Variants in SUPT20H observed in about 807,000 individuals in gnomAD.
SUPT20H encodes the protein transcription factor SPT20 homolog.
SUPT20H carries 82 observed loss-of-function variants against 122.8 expected under a neutral mutation model. The observed-to-expected ratio is 0.67, with a 90% CI of 0.56 to 0.80. SUPT20H has a LOEUF of 0.80. SUPT20H is among the 30% of genes least tolerant of loss of function. The pLI is 0.00. For missense variants in SUPT20H, 831 were observed against 921.6 expected (o/e 0.90, Z 1.27); for synonymous variants, 291 against 313.0 (o/e 0.93, Z 0.74).
At chr13:37,010,694 G>A (rs1206674677) in intron 24 of SUPT20H, 39 bp from the exon 25 acceptor site, 1 of 1,522,444 alleles carries the variant, frequency 6.6e-7, no homozygotes, top group East Asian at 2.3e-5. Flanking sequence ...CAGTCAAAAA[G>A]TTTGAAGGCT....
Position 37,032,027 on chromosome 13 carries a change from C to T in SUPT20H, c.708-132G>A, listed in dbSNP as rs1027035781. 3.2e-5 allele frequency: 21 copies of T among 659,806 alleles called. No homozygotes were observed. The African/African-American group carries it at 3.6e-4, about 11-fold the overall frequency. The allele number at this position is 659,806 out of a possible 1,614,324, so 40.9% of individuals were successfully genotyped here. A position where few individuals can be genotyped will look rare whatever the true frequency, so the allele number is the denominator to read the frequency against. On this transcript the variant is annotated intron_variant, in intron 10 of 25. Transcript: ENST00000350612. ...ACACTGCCACATGCCAAGCACAGTC[C>T]TAGGAACTAGGACTAGGTGAAATAA... is the stretch of plus-strand genomic sequence containing the variant.
At chr13:37,054,387 G>A (rs1441281114) in intron 1 of SUPT20H, among the ~76,000 whole-genome samples, 6 of 152,228 alleles carry the variant, frequency 3.9e-5, no homozygotes, top group Middle Eastern at 6.8e-3. Context: ...ATGGCAAATC[G>A]AATCCAGCAG....
chr13:37,031,861 G>A lies in SUPT20H; in HGVS notation c.742C>T (p.Arg248Trp), dbSNP rs749672581. 3.1e-6 allele frequency: 5 copies of A among 1,601,958 alleles called. No individual in the cohort carries two copies. The highest frequency in any genetic ancestry group is 1.1e-5 in the South Asian group (1 of 88,058). The change falls in exon 11 of 26, where the codon CGG becomes TGG. Residue 248 changes from arginine to tryptophan, a missense_variant. Coordinates refer to ENST00000350612, the MANE Select transcript of SUPT20H (RefSeq NM_001014286.3). Reference protein sequence around the residue: ...FKRYSRSSLNRQQDLSHCPPP... With the variant: ...FKRYSRSSLNWQQDLSHCPPP... Reference sequence around the variant, plus strand: ...GGACAATGAGATAGATCTTGCTGCCGATTCAGAGAGGATCTGGAATACCTC... The same window carrying A: ...GGACAATGAGATAGATCTTGCTGCCAATTCAGAGAGGATCTGGAATACCTC...
At chr13:37,055,942 C>T (rs554309921) in intron 1 of SUPT20H, among the ~76,000 whole-genome samples, 1 of 152,260 alleles carries the variant, frequency 6.6e-6, no homozygotes, top group South Asian at 2.1e-4. Context: ...ACAACCCCAT[C>T]AATCAGTGGG....
At chr13:37,049,255 A>G (rs2067134352) in intron 2 of SUPT20H, among the ~76,000 whole-genome samples, 1 of 152,184 alleles carries the variant, frequency 6.6e-6, no homozygotes, top group South Asian at 2.1e-4. Flanking sequence ...TTAAAATATA[A>G]AAGAAAATGA....
At chr13:37,010,272 AC>A (rs2059367557) in intron 25 of SUPT20H, among the ~76,000 whole-genome samples, 1 of 152,232 alleles carries the variant, frequency 6.6e-6, no homozygotes, top group Non-Finnish European at 1.5e-5. Context: ...ATTGGCACTT[AC>A]AACTGTCTTT....
intron 9 of SUPT20H, chr13:37,038,276 A>C (rs1026923425): frequency 6.6e-5 from 10 of 152,204 alleles, no homozygotes; most frequent in African/African-American, 2.4e-4. Flanking sequence ...ATTTTTTAAA[A>C]GTCTATCATT....
chr13:37,057,739 C>G (rs2069462172), intron 1 of SUPT20H, among the ~76,000 whole-genome samples: 1 of 151,938 alleles, frequency 6.6e-6, no homozygotes, highest in African/African-American at 2.4e-5. Flanking sequence ...TTTGGGAGGC[C>G]AAGGCAGGTG....
Position 37,022,419 on chromosome 13 carries a change from G to T in SUPT20H, c.1592-339C>A. 1.0e-5 allele frequency: 12 copies of T among 1,156,668 alleles called. No homozygotes were observed. The South Asian group carries it at 1.4e-4, about 13-fold the overall frequency. The allele number at this position is 1,156,668 out of a possible 1,614,324, so 71.7% of individuals were successfully genotyped here. A position where few individuals can be genotyped will look rare whatever the true frequency, so the allele number is the denominator to read the frequency against. On this transcript the variant is annotated intron_variant, in intron 19 of 25. Transcript: ENST00000350612. The surrounding 1 kb of genome is among the most constrained non-coding windows in gnomAD (Gnocchi z 4.5). ...TACTTAGCACTGACAATTTGTTCTA[G>T]TTTTTTTTTTTTTAGCAGTTAACTG...
chr13:37,048,661 C>T (rs2066987509), intron 2 of SUPT20H, 62 bp from the exon 3 acceptor site: 2 of 1,411,994 alleles, frequency 1.4e-6, no homozygotes, highest in Non-Finnish European at 1.9e-6. Flanking sequence ...ATTTAATATA[C>T]ATTTAACATT....
chr13:37,051,398 T>C (rs2067653745), intron 2 of SUPT20H, 90 bp downstream of exon 2: 1 of 1,376,012 alleles, frequency 7.3e-7, no homozygotes, highest in Non-Finnish European at 1.0e-6. Context: ...TACAAGAGTA[T>C]TTCTATATCT....
intron 2 of SUPT20H, among the ~76,000 whole-genome samples, 188 bp from the exon 3 acceptor site, chr13:37,048,787 C>T (rs1463637995): frequency 6.6e-6 from 1 of 152,090 alleles, no homozygotes; most frequent in Non-Finnish European, 1.5e-5. Flanking sequence ...CACCTGATTA[C>T]TAACAACAAA....
intron 6 of SUPT20H, 103 bp from the exon 7 acceptor site, chr13:37,044,284 G>A: frequency 2.6e-6 from 2 of 779,368 alleles, no homozygotes; most frequent in South Asian, 3.1e-5. Flanking sequence ...AAACCAAAAG[G>A]CATTTCAACC....
At chr13:37,047,337 C>A in intron 5 of SUPT20H, 198 bp downstream of exon 5, 1 of 434,694 alleles carries the variant, frequency 2.3e-6, no homozygotes, top group Non-Finnish European at 3.9e-6. Flanking sequence ...ACTGTTCCTT[C>A]ACTCCTACCT....
chr13:37,025,526 G>T, intron 16 of SUPT20H, 89 bp from the exon 17 acceptor site: 3 of 814,826 alleles, frequency 3.7e-6, no homozygotes, highest in Non-Finnish European at 5.8e-6. Flanking sequence ...ACTATTAATG[G>T]CAAAAAGAAA....
rs1423138987 is a variant in SUPT20H at position 37,009,562 on chromosome 13, T to C, written c.*110A>G. ...TGTGCTTCTGTATAAAGTTTGTACA[T>C]CTAGCAATGTAAAATACTGACACAT... On this transcript the variant is annotated 3_prime_UTR_variant, in exon 26 of 26. Coordinates refer to ENST00000350612, the MANE Select transcript of SUPT20H (RefSeq NM_001014286.3). The C allele has an allele frequency of 1.6e-6, 2 of 1,264,510 alleles. No individual in the cohort carries two copies. The highest frequency in any genetic ancestry group is 1.5e-5 in the African/African-American group (1 of 67,676). 78.3% of individuals were successfully genotyped at this position (1,264,510 alleles called of 1,614,324 possible).
chr13:37,012,461 AT>A, intron 23 of SUPT20H, 164 bp from the exon 24 acceptor site: 1 of 499,388 alleles, frequency 2.0e-6, no homozygotes, highest in Non-Finnish European at 3.5e-6. Flanking sequence ...ATAAGCAAGA[AT>A]AAATTTATGG....
chr13:37,044,084 T>C lies in SUPT20H; in HGVS notation c.390A>G (p.Lys130=). 6.2e-7 allele frequency: 1 copy of C among 1,608,984 alleles called. No individual in the cohort carries two copies. Among genetic ancestry groups the C allele is most frequent in the East Asian group, 2.2e-5 (1 of 44,720 alleles). Residue 130 remains lysine (K), a synonymous_variant, in exon 7 of 26, where the codon AAA becomes AAG. Transcript: ENST00000350612. ...LPPILVDLLE[K]SQVNIFHCGC... ...AAAGACAAAAATTTTGTACCTGAGA[T>C]TTTTCTAGGAGATCAACCAAAATAG...
chr13:37,059,139 C>T (rs558306506), intron 1 of SUPT20H: 1 of 152,338 alleles, frequency 6.6e-6, no homozygotes, highest in African/African-American at 2.4e-5. Context: ...TACTGATTTC[C>T]CTGATCGACC....
Sources: allele counts gnomAD v4.1 joint callset (sites outside exome capture counted in the v4.1 genomes callset), GRCh38; gene constraint gnomAD v4.1.1; non-coding constraint Gnocchi (gnomAD v3.1); transcripts MANE v1.5; gene names NCBI Gene and HGNC (gene_info 2026-07-23, HGNC 2026-07-21).